Variants in RPIA observed in about 807,000 individuals in gnomAD.
RPIA encodes the protein ribose-5-phosphate isomerase.
RPIA carries 29 observed loss-of-function variants against 37.8 expected under a neutral mutation model. The observed-to-expected ratio is 0.77, with a 90% CI of 0.57 to 1.05. The LOEUF is 1.05. Among genes scored for constraint, RPIA ranks in the 50% least tolerant of loss-of-function variants. The pLI is 0.00. For missense variants in RPIA, 385 were observed against 413.6 expected, an observed-to-expected ratio of 0.93 and a Z score of 0.60; for synonymous variants, 167 against 157.0, an observed-to-expected ratio of 1.06 and a Z score of -0.48.
intron 3 of RPIA, among the ~76,000 whole-genome samples, chr2:88,725,901 T>G (rs1415157914): frequency 5.9e-5 from 9 of 152,128 alleles, no homozygotes; most frequent in South Asian, 4.2e-4. Flanking sequence ...CTTAAAGTGT[T>G]CTCTCCTAGT....
chr2:88,735,564 C>G, intron 5 of RPIA, 105 bp from the exon 6 acceptor site: 1 of 1,028,414 alleles, frequency 9.7e-7, no homozygotes, highest in South Asian at 1.3e-5. Flanking sequence ...TTAAGTTTCT[C>G]TTTAAGTGCC....
rs1673496091 is a variant in RPIA at position 88,750,760 on chromosome 2, G to C, written c.*682G>C. 2 of 398,666 alleles carry C rather than the reference G, an allele frequency of 5.0e-6. No homozygotes were observed. The highest frequency in any genetic ancestry group is 4.1e-5 in the African/African-American group (2 of 48,632). The allele number at this position is 398,666 out of a possible 1,614,324, so 24.7% of individuals were successfully genotyped here. On this transcript the variant is annotated 3_prime_UTR_variant, in exon 9 of 9. Coordinates refer to ENST00000283646, the MANE Select transcript of RPIA (RefSeq NM_144563.3). ...TTGACCAGAAATGCTTGCCAGTACT[G>C]CCAAAGCACTGCTGTGAAATGTGAA...
intron 3 of RPIA, among the ~76,000 whole-genome samples, chr2:88,726,980 C>G (rs984621540): frequency 5.5e-4 from 84 of 152,194 alleles, no homozygotes; most frequent in Non-Finnish European, 1.1e-3. Flanking sequence ...CTCAAGTGAT[C>G]CACCCACCTT....
chr2:88,699,414 T>A (rs192560754), intron 2 of RPIA, among the ~76,000 whole-genome samples: 3 of 151,954 alleles, frequency 2.0e-5, no homozygotes, highest in East Asian at 1.9e-4. Context: ...TTTTTTTTTT[T>A]AAATCAAACT....
intron 3 of RPIA, among the ~76,000 whole-genome samples, chr2:88,707,762 T>G (rs1231530709): frequency 6.6e-6 from 1 of 152,232 alleles, no homozygotes; most frequent in Non-Finnish European, 1.5e-5. Flanking sequence ...GGAGTTTGTA[T>G]AGTAAGTGTA....
rs1158681725 is a variant in RPIA at position 88,750,892 on chromosome 2, A to G, written c.*814A>G. 1 of 394,990 alleles carries G rather than the reference A, an allele frequency of 2.5e-6. No individual in the cohort carries two copies. Among genetic ancestry groups the G allele is most frequent in the Non-Finnish European group, 4.5e-6 (1 of 224,476 alleles). 24.5% of individuals were successfully genotyped at this position (394,990 alleles called of 1,614,324 possible). A position where few individuals can be genotyped will look rare whatever the true frequency, so the allele number is the denominator to read the frequency against. ...TGGCGTCAGAAGTCCTTACCTCTTT[A>G]TATTGTTTGCAGGTTTAAATAAAAC... On this transcript the variant is annotated 3_prime_UTR_variant, in exon 9 of 9. Transcript: ENST00000283646.
intron 8 of RPIA, among the ~76,000 whole-genome samples, chr2:88,745,607 C>T (rs1312373701): frequency 6.6e-6 from 1 of 151,968 alleles, no homozygotes; most frequent in Non-Finnish European, 1.5e-5. Flanking sequence ...GATAAGACCC[C>T]AATCCCTTCT....
At chr2:88,715,791 C>T (rs6742972) in intron 3 of RPIA, among the ~76,000 whole-genome samples, 9,380 of 152,106 alleles carry the variant, frequency 0.062, 518 homozygotes, top group African/African-American at 0.14. Context: ...TTTTAAAATT[C>T]GTTGCTATTT....
chr2:88,726,287 C>T (rs1468352453), intron 3 of RPIA, among the ~76,000 whole-genome samples: 1 of 152,066 alleles, frequency 6.6e-6, no homozygotes, highest in African/African-American at 2.4e-5. Flanking sequence ...CAAGCTTGTC[C>T]AACTCGTGGC....
At chr2:88,713,120 A>ATTTTTTTTTTT (rs1553420200) in intron 3 of RPIA, among the ~76,000 whole-genome samples, 1 of 65,276 alleles carries the variant, frequency 1.5e-5, no homozygotes, top group Non-Finnish European at 2.5e-5. Context: ...ATATATATAT[A>ATTTTTTTTTTT]TTTTTTTTTT....
intron 3 of RPIA, among the ~76,000 whole-genome samples, chr2:88,703,792 A>G (rs1672864013): frequency 6.6e-6 from 1 of 152,204 alleles, no homozygotes; most frequent in Non-Finnish European, 1.5e-5. Flanking sequence ...TCCTCAGAAA[A>G]TAGGATTTTC....
chr2:88,706,389 T>C (rs193288909), intron 3 of RPIA, among the ~76,000 whole-genome samples: 2,072 of 152,228 alleles, frequency 0.014, 21 homozygotes, highest in Non-Finnish European at 0.02. Flanking sequence ...AGGAACGATA[T>C]CATGTCCTTG....
intron 2 of RPIA, among the ~76,000 whole-genome samples, chr2:88,698,992 T>A (rs1038340453): frequency 3.3e-5 from 5 of 152,192 alleles, no homozygotes; most frequent in African/African-American, 1.2e-4. Context: ...TCACACTGAT[T>A]AGGGTGTCTC....
At chr2:88,708,804 T>C (rs550049011) in intron 3 of RPIA, among the ~76,000 whole-genome samples, 10 of 150,664 alleles carry the variant, frequency 6.6e-5, no homozygotes, top group Admixed American at 1.3e-4. Context: ...TCGCCCAGGC[T>C]GGAGTGCAGT....
At chr2:88,707,097 T>C (rs967289441) in intron 3 of RPIA, among the ~76,000 whole-genome samples, 2 of 152,232 alleles carry the variant, frequency 1.3e-5, no homozygotes, top group African/African-American at 4.8e-5. Context: ...TGGATTAGCA[T>C]GGTCAGTAAA....
intron 3 of RPIA, among the ~76,000 whole-genome samples, chr2:88,727,616 C>A (rs998254663): frequency 6.6e-6 from 1 of 152,128 alleles, no homozygotes; most frequent in African/African-American, 2.4e-5. Flanking sequence ...CTCCCACTTA[C>A]AAGTGAGAAC....
rs187454475 is a variant in RPIA at position 88,719,872 on chromosome 2, C to T, written c.403-9406C>T. 9.4e-3 allele frequency among the ~76,000 whole-genome samples: 1,434 copies of T among 152,166 alleles called. 11 individuals carry two copies. Among genetic ancestry groups the T allele is most frequent in the Middle Eastern group, 0.017 (5 of 294 alleles). ...AACCTTGTTAATCTGACCCAGGTGC[C>T]CATATGCTGGTCTTGCATCAGTGTG... On this transcript the variant is annotated intron_variant, in intron 3 of 8. Transcript: ENST00000283646.
At chr2:88,714,785 C>A (rs1211919612) in intron 3 of RPIA, among the ~76,000 whole-genome samples, 1 of 152,188 alleles carries the variant, frequency 6.6e-6, no homozygotes, top group Non-Finnish European at 1.5e-5. Flanking sequence ...TGCAGCATCT[C>A]CTGAACCTGG....
Position 88,701,983 on chromosome 2 carries a change from A to T in RPIA, c.402+1919A>T, listed in dbSNP as rs145969579. On this transcript the variant is annotated intron_variant, in intron 3 of 8. Coordinates refer to ENST00000283646, the MANE Select transcript of RPIA (RefSeq NM_144563.3). Reference sequence around the variant, plus strand: ...ACTGAAGTAAAGAAACACTTATCATAGAAAAGAATCTTGAACATAGATTTT... The same window carrying T: ...ACTGAAGTAAAGAAACACTTATCATTGAAAAGAATCTTGAACATAGATTTT... Among the ~76,000 whole-genome samples the T allele has an allele frequency of 1.4e-3, 213 of 152,372 alleles. 1 individual carries two copies. The highest frequency in any genetic ancestry group is 5.0e-3 in the African/African-American group (206 of 41,588).
Sources: allele counts gnomAD v4.1 joint callset (sites outside exome capture counted in the v4.1 genomes callset), GRCh38; gene constraint gnomAD v4.1.1; transcripts MANE v1.5; gene names NCBI Gene and HGNC (gene_info 2026-07-23, HGNC 2026-07-21).